SLC7A7: variants seen among roughly 807,000 people sequenced by gnomAD.
SLC7A7 encodes Y+L amino acid transporter 1.
In SLC7A7, 39 loss-of-function variants were observed where a neutral mutation model predicts 47.9. The observed-to-expected ratio is 0.81, with a 90% confidence interval of 0.63 to 1.06. The LOEUF (loss-of-function observed/expected upper bound fraction) is 1.06. Among genes scored for constraint, SLC7A7 ranks in the 50% least tolerant of loss-of-function variants. The pLI is 0.00. For synonymous variants in SLC7A7, 234 were observed against 242.8 expected (o/e 0.96, Z 0.34); for missense variants, 588 against 632.0 (o/e 0.93, Z 0.75).
At chr14:22,793,740 C>A (rs922772436) in intron 2 of SLC7A7, among the ~76,000 whole-genome samples, 1 of 151,906 alleles carries the variant, frequency 6.6e-6, no homozygotes, top group African/African-American at 2.4e-5. Context: ...TACTTCAACT[C>A]GGGAGGTGGA....
chr14:22,811,032 T>C lies in SLC7A7; in HGVS notation c.499+1868A>G, dbSNP rs545614385. Among the ~76,000 whole-genome samples the C allele has an allele frequency of 2.0e-5, 3 of 151,690 alleles. No individual in the cohort carries two copies. The South Asian group carries it at 6.3e-4, about 32-fold the overall frequency. On this transcript the variant is annotated intron_variant, in intron 2 of 9. Coordinates refer to ENST00000674313, the MANE Select transcript of SLC7A7 (RefSeq NM_003982.4). ...CTTCTTGCAACACAAAGCAGTGCCT[T>C]CCACCCCTCCCTGACTGTTGCCATG...
At position 22,813,024 on chromosome 14, in the gene SLC7A7, G is replaced by C. The variant is rs199724860; in HGVS notation, c.375C>G (p.Leu125=). Residue 125 remains leucine, a synonymous_variant, in exon 2 of 10, where the codon CTC becomes CTG. Transcript: ENST00000674313. ...LAFIRLWTSL[L]IIEPTSQAII... ...TGGCCTGGCTGGTGGGCTCAATGATGAGCAGGGAGGTCCAGAGTCTGATGA... is the reference window on the plus strand; with the variant it reads ...TGGCCTGGCTGGTGGGCTCAATGATCAGCAGGGAGGTCCAGAGTCTGATGA... The C allele has an allele frequency of 1.3e-5, 21 of 1,614,108 alleles. No homozygotes were observed. Among genetic ancestry groups the C allele is most frequent in the Admixed American group, 3.3e-5 (2 of 60,000 alleles).
chr14:22,779,980 T>C lies in SLC7A7; in HGVS notation c.571A>G (p.Lys191Glu), dbSNP rs386833820. Residue 191 changes from lysine (K) to glutamate (E), a missense_variant, in exon 3 of 10, where the codon AAA becomes GAA. Physicochemically the swap from Lys to Glu is moderately conservative, Grantham distance 56 (BLOSUM62 1). Coordinates refer to ENST00000674313, the MANE Select transcript of SLC7A7 (RefSeq NM_003982.4). ...ATGACCGCGATCAGTGCCAATACTTTAGCATAGGTGAAAATATCTTGTACC... is the reference window on the plus strand; with the variant it reads ...ATGACCGCGATCAGTGCCAATACTTCAGCATAGGTGAAAATATCTTGTACC... Reference protein sequence around the residue: ...TLVQDIFTYAKVLALIAVIVA... With the variant: ...TLVQDIFTYAEVLALIAVIVA... 2 of 1,614,160 alleles carry C rather than the reference T, an allele frequency of 1.2e-6. No individual in the cohort carries two copies. The highest frequency in any genetic ancestry group is 1.7e-6 in the Non-Finnish European group (2 of 1,180,032).
intron 7 of SLC7A7, 140 bp from the exon 8 acceptor site, chr14:22,774,643 A>G: frequency 9.1e-7 from 1 of 1,097,790 alleles, no homozygotes. Context: ...TCCCTTTAAC[A>G]CCCTAGTTTC....
chr14:22,791,984 G>A (rs761679189), intron 2 of SLC7A7, among the ~76,000 whole-genome samples: 1 of 151,948 alleles, frequency 6.6e-6, no homozygotes, highest in Non-Finnish European at 1.5e-5. Flanking sequence ...ACGGGCGTCC[G>A]CCACCACGTC....
At chr14:22,777,142 TAAAAAA>T (rs35326556) in intron 4 of SLC7A7, among the ~76,000 whole-genome samples, 1 of 64,142 alleles carries the variant, frequency 1.6e-5, no homozygotes, top group Non-Finnish European at 2.8e-5. Context: ...AGACCCTGTC[TAAAAAA>T]AAAAAAAAAA....
upstream of SLC7A7, chr14:22,815,499 G>C (rs1043768533): frequency 6.6e-6 from 3 of 454,342 alleles, no homozygotes; most frequent in African/African-American, 6.0e-5. Context: ...AGCCCGCAAA[G>C]GAAGGAGTGA....
chr14:22,797,448 C>A (rs987745368), intron 2 of SLC7A7, among the ~76,000 whole-genome samples: 1 of 152,164 alleles, frequency 6.6e-6, no homozygotes. Flanking sequence ...TATTGAGTAC[C>A]CACTGTGTTC....
chr14:22,806,185 CTCTTT>C (rs1352242274), intron 2 of SLC7A7, among the ~76,000 whole-genome samples: 2 of 119,918 alleles, frequency 1.7e-5, no homozygotes, highest in Non-Finnish European at 3.4e-5. Flanking sequence ...ACACATCAAT[CTCTTT>C]TTTTTTTTTT....
At position 22,798,158 on chromosome 14, in the gene SLC7A7, A is replaced by G. The variant is rs190147479; in HGVS notation, c.499+14742T>C. The stretch of plus-strand genomic sequence containing the variant: ...TAAAAATACAAAAAATTAGCCGGGC[A>G]TAGTGGTGGGCACCTGTAATCCCAG... On this transcript the variant is annotated intron_variant, in intron 2 of 9. Transcript: ENST00000674313. 3.3e-5 allele frequency among the ~76,000 whole-genome samples: 5 copies of G among 152,184 alleles called. No homozygotes were observed. In the East Asian group the frequency reaches 9.7e-4, roughly 29 times the overall value.
chr14:22,812,791 A>G (rs2138660971), intron 2 of SLC7A7, 109 bp downstream of exon 2: 2 of 738,038 alleles, frequency 2.7e-6, no homozygotes, highest in South Asian at 2.0e-5. Context: ...ATATATATAT[A>G]TGTTGTCAGA....
chr14:22,816,586 G>C (rs867379882), upstream of SLC7A7: 1 of 152,152 alleles, frequency 6.6e-6, no homozygotes, highest in South Asian at 2.1e-4. Context: ...AGAACAGGCA[G>C]AGGAAGCTGA....
chr14:22,780,298 C>G (rs925494065), intron 2 of SLC7A7: 1 of 474,188 alleles, frequency 2.1e-6, no homozygotes, highest in Non-Finnish European at 3.9e-6. Context: ...GACTGCAGAT[C>G]TGCTTACATA....
chr14:22,776,176 G>C lies in SLC7A7; in HGVS notation c.894+19C>G. 1 of 1,614,072 alleles carries C rather than the reference G, an allele frequency of 6.2e-7. No homozygotes were observed. The highest frequency in any genetic ancestry group is 8.5e-7 in the Non-Finnish European group (1 of 1,180,002). On this transcript the variant is annotated intron_variant, in intron 5 of 9. Coordinates refer to ENST00000674313, the MANE Select transcript of SLC7A7 (RefSeq NM_003982.4). ...CCCCACAAGACACCCTCAACCTTCT[G>C]CTAGTGAAAATCCTTTACCACAGCA...
chr14:22,819,427 G>C (rs74378291), upstream of SLC7A7, among the ~76,000 whole-genome samples: 1 of 146,904 alleles, frequency 6.8e-6, no homozygotes, highest in Non-Finnish European at 1.5e-5. Context: ...AAAAAAAAAA[G>C]TGAAACAAAA....
At chr14:22,777,379 G>GC (rs1163499270) in intron 4 of SLC7A7, among the ~76,000 whole-genome samples, 2 of 152,232 alleles carry the variant, frequency 1.3e-5, no homozygotes, top group East Asian at 3.9e-4. Context: ...AATAAGATAG[G>GC]CCTTCAGTAG....
At chr14:22,776,398 C>T (rs2038608347) in intron 4 of SLC7A7, 80 bp from the exon 5 acceptor site, 1 of 1,564,484 alleles carries the variant, frequency 6.4e-7, no homozygotes, top group African/African-American at 1.4e-5. Context: ...ACTCTCCCTG[C>T]CACACCGGTC....
At chr14:22,776,742 T>C (rs974050288) in intron 4 of SLC7A7, among the ~76,000 whole-genome samples, 1 of 150,732 alleles carries the variant, frequency 6.6e-6, no homozygotes, top group African/African-American at 2.4e-5. Context: ...CCGAGCCGGG[T>C]GGATCACCTG....
chr14:22,812,661 G>C (rs777554190), intron 2 of SLC7A7, among the ~76,000 whole-genome samples: 3 of 149,144 alleles, frequency 2.0e-5, no homozygotes, highest in Non-Finnish European at 4.4e-5. Context: ...AAAAAAATCA[G>C]GAAGAATATG....
Sources: allele counts gnomAD v4.1 joint callset (sites outside exome capture counted in the v4.1 genomes callset), GRCh38; gene constraint gnomAD v4.1.1; transcripts MANE v1.5; gene names NCBI Gene and HGNC (gene_info 2026-07-23, HGNC 2026-07-21).